Variants in GRK5 observed in about 807,000 individuals in gnomAD.
GRK5 encodes the protein G protein-coupled receptor kinase 5.
Under a neutral mutation model 78.4 loss-of-function variants are expected in GRK5, and 40 were observed. The observed-to-expected ratio is 0.51, with a 90% CI of 0.40 to 0.66. GRK5 has a LOEUF of 0.66. Ranked by LOEUF, GRK5 falls within the 30% of genes least tolerant of loss-of-function variation. The pLI, the probability that GRK5 is intolerant of heterozygous loss-of-function variation, is 0.00. For missense variants in GRK5, 598 were observed against 759.9 expected, an observed-to-expected ratio of 0.79 and a Z score of 2.50; for synonymous variants, 289 against 296.8, an observed-to-expected ratio of 0.97 and a Z score of 0.27.
At chr10:119,273,077 C>T (rs934810690) in intron 1 of GRK5, among the ~76,000 whole-genome samples, 6 of 152,222 alleles carry the variant, frequency 3.9e-5, no homozygotes, top group African/African-American at 9.6e-5. Flanking sequence ...ACAAGCCAGT[C>T]GTATTCCATG....
chr10:119,268,124 C>T (rs963621908), intron 1 of GRK5, among the ~76,000 whole-genome samples: 4 of 152,164 alleles, frequency 2.6e-5, no homozygotes, highest in Non-Finnish European at 5.9e-5. Flanking sequence ...TGGCCTCACC[C>T]ACAGCTCCAT....
intron 1 of GRK5, among the ~76,000 whole-genome samples, chr10:119,248,728 T>C (rs1352012201): frequency 1.3e-5 from 2 of 152,182 alleles, no homozygotes; most frequent in African/African-American, 4.8e-5. Flanking sequence ...GGTAAGTATT[T>C]CCTAATATAT....
rs77499291 is a variant in GRK5, at chr10:119,431,892, G to T, written c.738+365G>T. ...AGACCCTCTAGGCTGGTGCCATCGT[G>T]GTGGGGACCTTAGTGCCAGCATCCT... On this transcript the variant is annotated intron_variant, in intron 8 of 15. Transcript: ENST00000392870. This position sits in a 1 kb window ranked among gnomAD's most constrained non-coding sequence, Gnocchi z 4.8. 0.034 allele frequency among the ~76,000 whole-genome samples: 5,206 copies of T among 152,308 alleles called. 142 individuals carry two copies. Among genetic ancestry groups the T allele is most frequent in the Middle Eastern group, 0.11 (31 of 294 alleles).
intron 3 of GRK5, 62 bp downstream of exon 3, chr10:119,380,989 C>G: frequency 9.4e-7 from 1 of 1,061,148 alleles, no homozygotes; most frequent in South Asian, 1.3e-5. Context: ...TGTTTTGGCT[C>G]AAAGGAAAAA....
chr10:119,246,144 G>T (rs1849108443), intron 1 of GRK5, among the ~76,000 whole-genome samples: 1 of 151,402 alleles, frequency 6.6e-6, no homozygotes, highest in African/African-American at 2.4e-5. Context: ...TTTGGTCATT[G>T]GTTCCAGGTC....
chr10:119,331,599 A>G (rs76584839), intron 2 of GRK5, among the ~76,000 whole-genome samples: 1,712 of 152,348 alleles, frequency 0.011, 35 homozygotes, highest in East Asian at 0.061. Context: ...CCAAGGGGAC[A>G]GGGCCCCTTT....
intron 4 of GRK5, among the ~76,000 whole-genome samples, chr10:119,397,851 G>A (rs1305165769): frequency 6.6e-6 from 1 of 152,250 alleles, no homozygotes; most frequent in East Asian, 1.9e-4. Context: ...TGGACAGCCT[G>A]CTAGACGGCA....
Position 119,431,314 on chromosome 10 carries a change from TC to T in GRK5, c.598-69del, listed in dbSNP as rs1380807728. On this transcript the variant is annotated intron_variant, in intron 7 of 15. Coordinates refer to ENST00000392870, the MANE Select transcript of GRK5 (RefSeq NM_005308.3). This position sits in a 1 kb window ranked among gnomAD's most constrained non-coding sequence, Gnocchi z 4.8. ...CATTCTCTACCTGGGAGGCCTGTGG[TC>T]CCCGCCCTGGAGGAGCTCGGGGCAG... 2.0e-6 allele frequency: 3 copies of T among 1,523,656 alleles called. No individual in the cohort carries two copies. In the East Asian group the frequency reaches 6.9e-5, roughly 35 times the overall value. 94.4% of individuals were successfully genotyped at this position (1,523,656 alleles called of 1,614,324 possible).
At chr10:119,218,935 G>A (rs1453665852) in intron 1 of GRK5, among the ~76,000 whole-genome samples, 2 of 143,192 alleles carry the variant, frequency 1.4e-5, no homozygotes, top group Non-Finnish European at 1.5e-5. Context: ...GTCTCGCTCT[G>A]TCCCTAGGCC....
At position 119,265,191 on chromosome 10, in the gene GRK5, G is replaced by A. The variant is rs180929964; in HGVS notation, c.52+57222G>A. On this transcript the variant is annotated intron_variant, in intron 1 of 15. Coordinates refer to ENST00000392870, the MANE Select transcript of GRK5 (RefSeq NM_005308.3). ...CTGGACTCTGTCCTCCTTGCTTTCT[G>A]TTCGTTAGTTTTTATCTTGTTAATT... 2.7e-3 allele frequency among the ~76,000 whole-genome samples: 406 copies of A among 152,274 alleles called. 2 individuals are homozygous for A. The highest frequency in any genetic ancestry group is 4.6e-3 in the Non-Finnish European group (315 of 68,014).
At chr10:119,413,647 C>G (rs993980402) in intron 4 of GRK5, among the ~76,000 whole-genome samples, 1 of 152,114 alleles carries the variant, frequency 6.6e-6, no homozygotes, top group African/African-American at 2.4e-5. Context: ...AGGAATGAGA[C>G]CACATTCCTC....
rs1405094499 is a variant in GRK5 at position 119,431,544 on chromosome 10, G to T, written c.738+17G>T. ...CAGTTTGTGGTGAGTGAGCATCTGG[G>T]CCCAGTGACCGGCTCGCCCTTCTGT... On this transcript the variant is annotated intron_variant, in intron 8 of 15. Coordinates refer to ENST00000392870, the MANE Select transcript of GRK5 (RefSeq NM_005308.3). This position sits in a 1 kb window ranked among gnomAD's most constrained non-coding sequence, Gnocchi z 4.8. 1 of 1,609,592 alleles carries T rather than the reference G, an allele frequency of 6.2e-7. No individual in the cohort carries two copies. The highest frequency in any genetic ancestry group is 1.1e-5 in the South Asian group (1 of 90,472).
intron 2 of GRK5, chr10:119,333,942 C>G: frequency 4.4e-6 from 2 of 458,218 alleles, no homozygotes; most frequent in Non-Finnish European, 8.8e-6. Context: ...AGTGGCGTCC[C>G]TCCTGGCTTA....
At chr10:119,317,645 A>C (rs1166631179) in intron 1 of GRK5, among the ~76,000 whole-genome samples, 7 of 152,090 alleles carry the variant, frequency 4.6e-5, no homozygotes, top group Admixed American at 4.6e-4. Context: ...TGTGAGAAGA[A>C]TGCCTGACTC....
chr10:119,455,174 G>C lies in GRK5; in HGVS notation c.*107G>C. The C allele has an allele frequency of 1.1e-6, 1 of 899,684 alleles. No individual in the cohort carries two copies. Among genetic ancestry groups the C allele is most frequent in the Non-Finnish European group, 1.8e-6 (1 of 546,868 alleles). The allele number at this position is 899,684 out of a possible 1,614,324, so 55.7% of individuals were successfully genotyped here. A position where few individuals can be genotyped will look rare whatever the true frequency, so the allele number is the denominator to read the frequency against. On this transcript the variant is annotated 3_prime_UTR_variant, in exon 16 of 16. Coordinates refer to ENST00000392870, the MANE Select transcript of GRK5 (RefSeq NM_005308.3). ...TGGTGGGGCTGCCAGGGGAGACCCC[G>C]GGAGCCGGGGAAGGAGGCCGTCCAT...
chr10:119,310,835 T>C (rs1850346186), intron 1 of GRK5, among the ~76,000 whole-genome samples: 1 of 152,310 alleles, frequency 6.6e-6, no homozygotes, highest in East Asian at 1.9e-4. Flanking sequence ...ATTAAGCCAA[T>C]TGGGAAACTG....
intron 1 of GRK5, among the ~76,000 whole-genome samples, chr10:119,301,203 A>C (rs768557780): frequency 1.3e-5 from 2 of 151,064 alleles, no homozygotes; most frequent in Non-Finnish European, 3.0e-5. Context: ...GTCAAGAAGC[A>C]CGTCATCTAC....
At chr10:119,234,532 G>T (rs1020198887) in intron 1 of GRK5, among the ~76,000 whole-genome samples, 1 of 152,132 alleles carries the variant, frequency 6.6e-6, no homozygotes, top group Non-Finnish European at 1.5e-5. Flanking sequence ...CTTTTTTCAG[G>T]TGGATTTGAA....
At chr10:119,276,104 G>A (rs981653098) in intron 1 of GRK5, among the ~76,000 whole-genome samples, 3 of 152,186 alleles carry the variant, frequency 2.0e-5, no homozygotes, top group African/African-American at 7.2e-5. Context: ...AGACTCTGTT[G>A]TAAATGGTGA....
Sources: gnomAD v4.1 joint callset for allele counts (sites outside exome capture counted in the v4.1 genomes callset) on GRCh38, gnomAD v4.1.1 for gene constraint, Gnocchi (gnomAD v3.1) non-coding constraint, MANE v1.5 for transcripts, NCBI Gene and HGNC (gene_info 2026-07-23, HGNC 2026-07-21) for gene names.